Variants in SLC26A11 observed in about 807,000 individuals in gnomAD.
SLC26A11 encodes sodium-independent sulfate anion transporter.
In SLC26A11, 58 loss-of-function variants were observed where a neutral mutation model predicts 62.2. The observed-to-expected ratio is 0.93, with a 90% CI of 0.76 to 1.16. The LOEUF (loss-of-function observed/expected upper bound fraction) is 1.16. Among genes scored for constraint, SLC26A11 ranks in the 50% most tolerant of loss-of-function variants. The pLI, the probability that SLC26A11 is intolerant of heterozygous loss-of-function variation, is 0.00. For missense variants in SLC26A11, 790 were observed against 794.3 expected (o/e 0.99, Z 0.06); for synonymous variants, 411 against 368.9 (o/e 1.11, Z -1.31).
At chr17:80,221,887 C>A in intron 3 of SLC26A11, 93 bp downstream of exon 3, 1 of 1,305,742 alleles carries the variant, frequency 7.7e-7, no homozygotes, top group Non-Finnish European at 1.0e-6. Flanking sequence ...TCCAGGTTTC[C>A]AGCCCCTGGG....
chr17:80,238,295 T>C (rs113663671), intron 9 of SLC26A11, among the ~76,000 whole-genome samples: 17,941 of 152,130 alleles, frequency 0.12, 1,344 homozygotes, highest in African/African-American at 0.21. Flanking sequence ...CGAGGTGGCA[T>C]TGAGCTGTGA....
chr17:80,237,150 C>T (rs2042718337), intron 8 of SLC26A11, 47 bp downstream of exon 8: 1 of 1,580,710 alleles, frequency 6.3e-7, no homozygotes, highest in Non-Finnish European at 8.6e-7. Context: ...GCTGCGGTGG[C>T]CCCTGGCCTG....
rs757538189 is a variant in SLC26A11 at position 80,237,109 on chromosome 17, C to T, written c.912+6C>T. 5.2e-5 allele frequency: 84 copies of T among 1,604,438 alleles called. No individual in the cohort carries two copies. The highest frequency in any genetic ancestry group is 1.7e-4 in the Middle Eastern group (1 of 6,044). The stretch of plus-strand genomic sequence containing the variant: ...CCTTCACCGAGATGGTGCAGGTGGG[C>T]GGAGCCGGGAGGCAGGATGGCGTGG... On this transcript the variant is annotated splice_donor_region_variant and intron_variant, in intron 8 of 17. Coordinates refer to ENST00000361193, the MANE Select transcript of SLC26A11 (RefSeq NM_001166347.2).
chr17:80,246,291 T>C lies in SLC26A11; in HGVS notation c.1153+82T>C, dbSNP rs2042993971. 1 of 1,529,660 alleles carries C rather than the reference T, an allele frequency of 6.5e-7. No homozygotes were observed. Among genetic ancestry groups the C allele is most frequent in the African/African-American group, 1.4e-5 (1 of 73,100 alleles). 94.8% of individuals were successfully genotyped at this position (1,529,660 alleles called of 1,614,324 possible). ...GAGGGGGCCCACAGAGACGTCCCTT[T>C]GGCTCATGGGCCGTGCGCCCCGGGA... On this transcript the variant is annotated intron_variant, in intron 12 of 17. Transcript: ENST00000361193. The surrounding 1 kb of genome is among the most constrained non-coding windows in gnomAD (Gnocchi z 4.4).
chr17:80,242,571 G>T (rs563689906), intron 10 of SLC26A11, among the ~76,000 whole-genome samples: 1 of 152,360 alleles, frequency 6.6e-6, no homozygotes, highest in African/African-American at 2.4e-5. Flanking sequence ...GGCAGGGGCA[G>T]GTGGATTCAT....
rs2043178328 is a variant in SLC26A11, at chr17:80,252,353, C to T, written c.1730-272C>T. On this transcript the variant is annotated intron_variant, in intron 17 of 17. Transcript: ENST00000361193. This position sits in a 1 kb window ranked among gnomAD's most constrained non-coding sequence, Gnocchi z 5.2. ...TTGTAGAATCAGCTCAGATGCAGTGCACTGGAGGTGGATAAGCAGAATGTG... is the reference window on the plus strand; with the variant it reads ...TTGTAGAATCAGCTCAGATGCAGTGTACTGGAGGTGGATAAGCAGAATGTG... Among the ~76,000 whole-genome samples the T allele has an allele frequency of 6.6e-6, 1 of 152,164 alleles. No individual in the cohort carries two copies. Among genetic ancestry groups the T allele is most frequent in the Non-Finnish European group, 1.5e-5 (1 of 68,024 alleles).
chr17:80,234,929 A>C (rs1237325815), intron 7 of SLC26A11, among the ~76,000 whole-genome samples: 1 of 150,514 alleles, frequency 6.6e-6, no homozygotes, highest in Non-Finnish European at 1.5e-5. Context: ...GGCTCACTGT[A>C]ACCTCTGCCT....
intron 7 of SLC26A11, among the ~76,000 whole-genome samples, chr17:80,235,865 C>G (rs369471199): frequency 6.6e-6 from 1 of 152,342 alleles, no homozygotes; most frequent in Admixed American, 6.5e-5. Flanking sequence ...AGTGTTCATT[C>G]TAGGGCAAGC....
rs149810431 is a variant in SLC26A11, at chr17:80,226,567, G to A, written c.593+651G>A. ...AATACAAAAATTAGTCGGGTGTGAT[G>A]GTGCGTGCCTGTAGTCCCAGCTGTT... On this transcript the variant is annotated intron_variant, in intron 6 of 17. Coordinates refer to ENST00000361193, the MANE Select transcript of SLC26A11 (RefSeq NM_001166347.2). Among the ~76,000 whole-genome samples, 382 of 152,284 alleles carry A rather than the reference G, an allele frequency of 2.5e-3. 3 individuals are homozygous for A. The highest frequency in any genetic ancestry group is 8.6e-3 in the African/African-American group (357 of 41,552).
chr17:80,222,069 C>CT lies in SLC26A11; in HGVS notation c.234+275_234+276insT. 2.4e-6 allele frequency: 1 copy of CT among 424,972 alleles called. No individual in the cohort carries two copies. Among genetic ancestry groups the CT allele is most frequent in the Non-Finnish European group, 4.1e-6 (1 of 241,152 alleles). The allele number at this position is 424,972 out of a possible 1,614,324, so 26.3% of individuals were successfully genotyped here. ...CAGCCCGACCAAAATGGTGAAACCC[C>CT]GTCTCCACTAAAAATACAAAAATTA... is the stretch of plus-strand genomic sequence containing the variant. On this transcript the variant is annotated intron_variant, in intron 3 of 17. Transcript: ENST00000361193. The surrounding 1 kb of genome is among the most constrained non-coding windows in gnomAD (Gnocchi z 4.7).
chr17:80,243,460 C>T (rs751144180), intron 10 of SLC26A11, among the ~76,000 whole-genome samples: 2 of 151,854 alleles, frequency 1.3e-5, no homozygotes, highest in Admixed American at 6.6e-5. Context: ...TGCAGTGGCA[C>T]GGTCTCGGCT....
intron 5 of SLC26A11, chr17:80,225,626 TC>T: frequency 1.8e-6 from 1 of 563,150 alleles, no homozygotes; most frequent in African/African-American, 1.9e-5. Flanking sequence ...AAGTACTGTC[TC>T]CCACGAGGGT....
At chr17:80,224,466 T>A (rs117223280) in intron 5 of SLC26A11, among the ~76,000 whole-genome samples, 8,822 of 151,112 alleles carry the variant, frequency 0.058, 339 homozygotes, top group South Asian at 0.096. Context: ...AGAGTGTGAG[T>A]GTGTGAGTGT....
At position 80,222,919 on chromosome 17, in the gene SLC26A11, C is replaced by A; in HGVS notation, c.427+72C>A. On this transcript the variant is annotated intron_variant, in intron 4 of 17. Coordinates refer to ENST00000361193, the MANE Select transcript of SLC26A11 (RefSeq NM_001166347.2). The surrounding 1 kb of genome is among the most constrained non-coding windows in gnomAD (Gnocchi z 4.7). ...TTGCTTGTTTGCATTTCAAGTCTATCCCCGTGTGCGTGTGTGTGCGTGTTG... is the reference window on the plus strand; with the variant it reads ...TTGCTTGTTTGCATTTCAAGTCTATACCCGTGTGCGTGTGTGTGCGTGTTG... 6.6e-7 allele frequency: 1 copy of A among 1,520,178 alleles called. No homozygotes were observed. The highest frequency in any genetic ancestry group is 8.9e-7 in the Non-Finnish European group (1 of 1,117,696). The allele number at this position is 1,520,178 out of a possible 1,614,324, so 94.2% of individuals were successfully genotyped here.
chr17:80,242,859 C>T (rs1485330092), intron 10 of SLC26A11, among the ~76,000 whole-genome samples: 5 of 152,162 alleles, frequency 3.3e-5, no homozygotes, highest in Admixed American at 3.3e-4. Context: ...CAGGCGTGTG[C>T]CACCACGCCT....
At chr17:80,249,327 C>G (rs375161071) in intron 16 of SLC26A11, 40 bp downstream of exon 16, 82 of 1,601,244 alleles carry the variant, frequency 5.1e-5, no homozygotes, top group Non-Finnish European at 6.4e-5. Context: ...TAGCAGCTGC[C>G]GGAAGGCCTT....
At position 80,248,795 on chromosome 17, in the gene SLC26A11, A is replaced by T. The variant is rs61513466; in HGVS notation, c.1522+121A>T. On this transcript the variant is annotated intron_variant, in intron 15 of 17. Transcript: ENST00000361193. ...CTCTCCAGTCCACAAGGATGCAGGCATCTCTGAGTGGGCTGGACCGTCCTC... is the reference window on the plus strand; with the variant it reads ...CTCTCCAGTCCACAAGGATGCAGGCTTCTCTGAGTGGGCTGGACCGTCCTC... 1.2e-5 allele frequency: 12 copies of T among 1,017,524 alleles called. No homozygotes were observed. The East Asian group carries it at 2.4e-4, about 20-fold the overall frequency. 63.0% of individuals were successfully genotyped at this position (1,017,524 alleles called of 1,614,324 possible).
rs7406739 is a variant in SLC26A11, at chr17:80,224,298, C to A, written c.513+961C>A. ...GTGAGTGCGTGTGTGAGTGAGTGTG[C>A]GTGTGTGTGTGAGAGAGTGTGAGTG... On this transcript the variant is annotated intron_variant, in intron 5 of 17. Coordinates refer to ENST00000361193, the MANE Select transcript of SLC26A11 (RefSeq NM_001166347.2). Among the ~76,000 whole-genome samples, 16 of 83,808 alleles carry A rather than the reference C, an allele frequency of 1.9e-4. No homozygotes were observed. The South Asian group carries it at 2.0e-3, about 10-fold the overall frequency. The allele number at this position is 83,808 out of a possible 152,430, so 55.0% of individuals were successfully genotyped here.
At position 80,225,873 on chromosome 17, in the gene SLC26A11, T is replaced by C; in HGVS notation, c.550T>C (p.Phe184Leu). 1 of 1,614,036 alleles carries C rather than the reference T, an allele frequency of 6.2e-7. No individual in the cohort carries two copies. Among genetic ancestry groups the C allele is most frequent in the Non-Finnish European group, 8.5e-7 (1 of 1,179,952 alleles). ...LGLQNIPRPF[F>L]LQVYHTFLRI... ...ACTACAGAACATCCCCAGGCCGTTC[T>C]TCCTGCAGGTGTACCACACCTTCCT... The change falls in exon 6 of 18, where the codon TTC becomes CTC. Residue 184 changes from phenylalanine to leucine, a missense_variant. By Grantham distance (22) the Phe-to-Leu change is conservative. Coordinates refer to ENST00000361193, the MANE Select transcript of SLC26A11 (RefSeq NM_001166347.2).
Sources: allele counts gnomAD v4.1 joint callset (sites outside exome capture counted in the v4.1 genomes callset), GRCh38; gene constraint gnomAD v4.1.1; non-coding constraint Gnocchi (gnomAD v3.1); transcripts MANE v1.5; gene names NCBI Gene and HGNC (gene_info 2026-07-23, HGNC 2026-07-21).